The following PHOX2A variants were observed in gnomAD, a reference collection of about 807,000 sequenced individuals.
PHOX2A encodes paired mesoderm homeobox protein 2A.
Under a neutral mutation model 16.4 loss-of-function variants are expected in PHOX2A, and 10 were observed. That is an observed-to-expected ratio of 0.61 (90% CI 0.38 to 1.04). The LOEUF is 1.04. PHOX2A is among the 50% of genes least tolerant of loss of function. The pLI is 0.01. For missense variants in PHOX2A, 361 were observed against 419.4 expected (o/e 0.86, Z 1.22); for synonymous variants, 219 against 203.8 (o/e 1.07, Z -0.64).
At chr11:72,242,269 T>A (rs2135456907) in intron 1 of PHOX2A, among the ~76,000 whole-genome samples, 1 of 152,148 alleles carries the variant, frequency 6.6e-6, no homozygotes, top group South Asian at 2.1e-4. Flanking sequence ...GGGTCTCCAA[T>A]CTCATCTTTG....
At chr11:72,240,371 TG>T (rs2135455033) in intron 2 of PHOX2A, among the ~76,000 whole-genome samples, 173 bp from the exon 3 acceptor site, 1 of 152,342 alleles carries the variant, frequency 6.6e-6, no homozygotes, top group South Asian at 2.1e-4. Context: ...CGCGCTCCAC[TG>T]GCCCCTGCCT....
chr11:72,242,810 C>T (rs915345822), intron 1 of PHOX2A, among the ~76,000 whole-genome samples: 2 of 149,254 alleles, frequency 1.3e-5, no homozygotes, highest in Non-Finnish European at 3.0e-5. Context: ...GCGTGGGCCA[C>T]CATGCCCAGC....
chr11:72,240,722 T>G (rs1949110639), intron 2 of PHOX2A, among the ~76,000 whole-genome samples: 1 of 151,614 alleles, frequency 6.6e-6, no homozygotes, highest in Non-Finnish European at 1.5e-5. Flanking sequence ...GGGCTCCGGG[T>G]TTTCAAAGCT....
At chr11:72,240,248 G>T in intron 2 of PHOX2A, 50 bp from the exon 3 acceptor site, 1 of 1,524,818 alleles carries the variant, frequency 6.6e-7, no homozygotes. Flanking sequence ...AGAACGCACG[G>T]GGTCAGCCCG....
intron 1 of PHOX2A, among the ~76,000 whole-genome samples, chr11:72,243,358 T>G (rs559997762): frequency 6.6e-6 from 1 of 152,094 alleles, no homozygotes; most frequent in African/African-American, 2.4e-5. Context: ...CTCAGCTGCC[T>G]GGAGAGGTCC....
rs1949093253 is a variant in PHOX2A, at chr11:72,239,508, G to A, written c.*241C>T. On this transcript the variant is annotated 3_prime_UTR_variant, in exon 3 of 3. Coordinates refer to ENST00000298231, the MANE Select transcript of PHOX2A (RefSeq NM_005169.4). ...GAAGGCCAAGCTAGAAGGAGCTCCG[G>A]GGTTCTCCTGGAGGAGGTCCCGGTA... The A allele has an allele frequency of 2.6e-6, 1 of 383,310 alleles. No homozygotes were observed. Among genetic ancestry groups the A allele is most frequent in the Non-Finnish European group, 4.6e-6 (1 of 216,820 alleles). The allele number at this position is 383,310 out of a possible 1,614,324, so 23.7% of individuals were successfully genotyped here. A position where few individuals can be genotyped will look rare whatever the true frequency, so the allele number is the denominator to read the frequency against.
chr11:72,243,963 C>T lies in PHOX2A; in HGVS notation c.42G>A (p.Ala14=). 7.6e-7 allele frequency: 1 copy of T among 1,308,294 alleles called. No homozygotes were observed. Among genetic ancestry groups the T allele is most frequent in the Middle Eastern group, 2.6e-4 (1 of 3,900 alleles). The allele number at this position is 1,308,294 out of a possible 1,614,324, so 81.0% of individuals were successfully genotyped here. Residue 14 remains alanine (A), a synonymous_variant, in exon 1 of 3, where the codon GCG becomes GCA. Coordinates refer to ENST00000298231, the MANE Select transcript of PHOX2A (RefSeq NM_005169.4). Reference sequence around the variant, plus strand: ...CGCCGTAGGCGGACGCCTCCATGGCCGCCACGCACGAGTCGTACGAATTGA... The same window carrying T: ...CGCCGTAGGCGGACGCCTCCATGGCTGCCACGCACGAGTCGTACGAATTGA... The part of the protein sequence containing the change: ...SYLNSYDSCV[A]AMEASAYGDF...
chr11:72,239,406 G>T lies in PHOX2A; in HGVS notation c.*343C>A, dbSNP rs978579896. ...AGCCGCTGCAGAGCCAGGGAAGGGG[G>T]CTGTGCCGATCCTCCTTGAGGACCT... On this transcript the variant is annotated 3_prime_UTR_variant, in exon 3 of 3. Transcript: ENST00000298231. The T allele has an allele frequency of 6.3e-5, 13 of 206,804 alleles. No individual in the cohort carries two copies. In the East Asian group the frequency reaches 1.2e-3, roughly 19 times the overall value. The allele number at this position is 206,804 out of a possible 1,614,324, so 12.8% of individuals were successfully genotyped here.
Position 72,244,078 on chromosome 11 carries a change from G to A in PHOX2A, c.-74C>T. 6 of 708,340 alleles carry A rather than the reference G, an allele frequency of 8.5e-6. No homozygotes were observed. Among genetic ancestry groups the A allele is most frequent in the Non-Finnish European group, 1.2e-5 (6 of 506,884 alleles). 43.9% of individuals were successfully genotyped at this position (708,340 alleles called of 1,614,324 possible). On this transcript the variant is annotated 5_prime_UTR_variant, in exon 1 of 3. Coordinates refer to ENST00000298231, the MANE Select transcript of PHOX2A (RefSeq NM_005169.4). ...GGGTCCGGGTGGAGGTCGGAAGGGA[G>A]GTTCGAGCGCCAGGCTCCGAGGACC...
intron 1 of PHOX2A, among the ~76,000 whole-genome samples, chr11:72,242,447 C>G (rs1949129799): frequency 6.6e-6 from 1 of 152,184 alleles, no homozygotes; most frequent in Non-Finnish European, 1.5e-5. Context: ...GTGCTTCCAT[C>G]TCTGCTCCCA....
chr11:72,243,501 G>A (rs1035117889), intron 1 of PHOX2A, among the ~76,000 whole-genome samples: 16 of 152,228 alleles, frequency 1.1e-4, no homozygotes, highest in African/African-American at 3.9e-4. Context: ...TGCAGGTGGT[G>A]AGGGGAAGGC....
intron 1 of PHOX2A, among the ~76,000 whole-genome samples, chr11:72,243,518 AG>A (rs929120132): frequency 3.3e-5 from 5 of 152,126 alleles, no homozygotes; most frequent in Admixed American, 1.3e-4. Context: ...AGGCCTGGTA[AG>A]GGGCCCAGAG....
Position 72,240,236 on chromosome 11 carries a change from G to A in PHOX2A, c.406-38C>T, listed in dbSNP as rs924390312. The A allele has an allele frequency of 1.6e-5, 24 of 1,528,952 alleles. No individual in the cohort carries two copies. The African/African-American group carries it at 2.5e-4, about 16-fold the overall frequency. The allele number at this position is 1,528,952 out of a possible 1,614,324, so 94.7% of individuals were successfully genotyped here. ...GGGCCAGTCAGCCTGGACGAGGGTC[G>A]GAGAACGCACGGGGTCAGCCCGCGG... is the stretch of plus-strand genomic sequence containing the variant. On this transcript the variant is annotated intron_variant, in intron 2 of 2. Transcript: ENST00000298231.
At position 72,241,227 on chromosome 11, in the gene PHOX2A, G is replaced by A; in HGVS notation, c.280C>T (p.Arg94Cys). The A allele has an allele frequency of 6.2e-7, 1 of 1,613,276 alleles. No individual in the cohort carries two copies. Among genetic ancestry groups the A allele is most frequent in the Non-Finnish European group, 8.5e-7 (1 of 1,179,748 alleles). Reference protein sequence around the residue: ...LHEKRKQRRIRTTFTSAQLKE... With the variant: ...LHEKRKQRRICTTFTSAQLKE... ...AGCTGCGCGCTGGTGAACGTGGTGC[G>A]GATGCGCCGCTGCTTGCGCTTCTCG... The change falls in exon 2 of 3, where the codon CGC becomes TGC. Residue 94 changes from arginine to cysteine, a missense_variant. Arg to Cys is a radical substitution (Grantham distance 180, BLOSUM62 -3). Around this residue, in one of 3 missense-constraint regions of PHOX2A, gnomAD observed 235 missense variants for 263.8 expected, o/e 0.89. Coordinates refer to ENST00000298231, the MANE Select transcript of PHOX2A (RefSeq NM_005169.4).
In PHOX2A at chr11:72,239,996, G is replaced by T. The variant is rs1949101184; in HGVS notation, c.608C>A (p.Pro203Gln). ...GGGCAGCGGGCTGGGGCTCAGGCGC[G>T]GGCTGGCCAGGCCGGGCGCAGGCGG... ...PPPPAPGLAS[P>Q]RLSPSPLPVA... The change falls in exon 3 of 3, where the codon CCG (proline) becomes CAG (glutamine). Residue 203 changes from proline to glutamine, a missense_variant. Coordinates refer to ENST00000298231, the MANE Select transcript of PHOX2A (RefSeq NM_005169.4). 2.9e-6 allele frequency: 4 copies of T among 1,387,142 alleles called. No individual in the cohort carries two copies. The highest frequency in any genetic ancestry group is 1.7e-5 in the South Asian group (1 of 59,212). The allele number at this position is 1,387,142 out of a possible 1,614,324, so 85.9% of individuals were successfully genotyped here.
Position 72,239,663 on chromosome 11 carries a change from G to A in PHOX2A, c.*86C>T, listed in dbSNP as rs1032931986. 16 of 1,045,602 alleles carry A rather than the reference G, an allele frequency of 1.5e-5. No individual in the cohort carries two copies. Among genetic ancestry groups the A allele is most frequent in the East Asian group, 3.2e-5 (1 of 31,566 alleles). 64.8% of individuals were successfully genotyped at this position (1,045,602 alleles called of 1,614,324 possible). A position where few individuals can be genotyped will look rare whatever the true frequency, so the allele number is the denominator to read the frequency against. On this transcript the variant is annotated 3_prime_UTR_variant, in exon 3 of 3. Coordinates refer to ENST00000298231, the MANE Select transcript of PHOX2A (RefSeq NM_005169.4). ...TGGAGACGGATGGGGACTTCCAGGC[G>A]GGTGGCCAGGATGGGAGGGGCTGTC...
At position 72,239,914 on chromosome 11, in the gene PHOX2A, T is replaced by G; in HGVS notation, c.690A>C (p.Ala230=). Residue 230 remains alanine, a synonymous_variant, in exon 3 of 3, where the codon GCA becomes GCC. Transcript: ENST00000298231. ...CACCGCCCGCCACACCGGCCCACAG[T>G]GCGCCCTTGAGCGGCTGTGGCCCCG... is the stretch of plus-strand genomic sequence containing the variant. ...PGPGPQPLKG[A]LWAGVAGGGG... is the part of the protein sequence containing the mutation. 2 of 1,329,580 alleles carry G rather than the reference T, an allele frequency of 1.5e-6. No individual in the cohort carries two copies. Among genetic ancestry groups the G allele is most frequent in the Non-Finnish European group, 9.7e-7 (1 of 1,033,808 alleles). The allele number at this position is 1,329,580 out of a possible 1,614,324, so 82.4% of individuals were successfully genotyped here. A position where few individuals can be genotyped will look rare whatever the true frequency, so the allele number is the denominator to read the frequency against.
intron 2 of PHOX2A, 150 bp from the exon 3 acceptor site, chr11:72,240,348 G>T: frequency 1.8e-6 from 2 of 1,098,734 alleles, no homozygotes; most frequent in Non-Finnish European, 2.5e-6. Flanking sequence ...TCCGCACGCA[G>T]CCCGCTGCAC....
rs923411634 is a variant in PHOX2A at position 72,240,124 on chromosome 11, C to G, written c.480G>C (p.Ala160=). The change falls in exon 3 of 3, where the codon GCG becomes GCC. Residue 160 remains alanine (A), a synonymous_variant. Transcript: ENST00000298231. ...RAASAKGAAG[A]AGAKKGEARC... ...GCGCCTCGCCCTTTTTGGCGCCCGC[C>G]GCGCCCGCCGCGCCCTTGGCGCTGG... 6.6e-7 allele frequency: 1 copy of G among 1,524,320 alleles called. No individual in the cohort carries two copies. The highest frequency in any genetic ancestry group is 1.5e-5 in the African/African-American group (1 of 66,272). The allele number at this position is 1,524,320 out of a possible 1,614,324, so 94.4% of individuals were successfully genotyped here.
Sources: gnomAD v4.1 joint callset for allele counts (sites outside exome capture counted in the v4.1 genomes callset) on GRCh38, gnomAD v4.1.1 for gene constraint, gnomAD v4.1.1 regional missense constraint, MANE v1.5 for transcripts, NCBI Gene and HGNC (gene_info 2026-07-23, HGNC 2026-07-21) for gene names.